The following TRAPPC8 variants were observed in gnomAD, a reference collection of about 807,000 sequenced individuals.
TRAPPC8 encodes the protein trafficking protein particle complex subunit 8, also known as general sporulation gene 1 homolog.
Under a neutral mutation model 174.3 loss-of-function variants are expected in TRAPPC8, and 54 were observed. That is an observed-to-expected ratio of 0.31 (90% CI 0.25 to 0.39). TRAPPC8 has a LOEUF of 0.39. Ranked by LOEUF, TRAPPC8 falls within the 10% of genes least tolerant of loss-of-function variation. The pLI is 1.00. For missense variants in TRAPPC8, 1,531 were observed against 1,699.1 expected (o/e 0.90, Z 1.74); for synonymous variants, 630 against 579.9 (o/e 1.09, Z -1.24).
chr18:31,942,506 C>A (rs1215168509), intron 1 of TRAPPC8, 102 bp downstream of exon 1: 2 of 1,368,496 alleles, frequency 1.5e-6, no homozygotes, highest in Non-Finnish European at 1.9e-6. Flanking sequence ...GTACCGGCTC[C>A]AGGACGTAAA....
chr18:31,889,696 A>G (rs1453912486), intron 12 of TRAPPC8, among the ~76,000 whole-genome samples: 1 of 152,222 alleles, frequency 6.6e-6, no homozygotes, highest in Non-Finnish European at 1.5e-5. Context: ...AAAGACGTTT[A>G]ATTTTATATT....
At chr18:31,843,362 A>G (rs1018270304) in intron 26 of TRAPPC8, among the ~76,000 whole-genome samples, 2 of 152,198 alleles carry the variant, frequency 1.3e-5, no homozygotes, top group African/African-American at 4.8e-5. Context: ...TGCATAACAT[A>G]AGCACACATA....
chr18:31,855,223 C>A (rs947215512), intron 21 of TRAPPC8, among the ~76,000 whole-genome samples: 1 of 151,892 alleles, frequency 6.6e-6, no homozygotes, highest in African/African-American at 2.4e-5. Flanking sequence ...TATTAGAGTG[C>A]ATAAACAGGA....
intron 12 of TRAPPC8, among the ~76,000 whole-genome samples, chr18:31,875,381 T>C (rs2035093255): frequency 1.3e-5 from 2 of 151,078 alleles, no homozygotes; most frequent in Non-Finnish European, 2.9e-5. Context: ...ATATTAAAAA[T>C]TCACATACTG....
At chr18:31,906,175 GA>G (rs113306306) in intron 9 of TRAPPC8, among the ~76,000 whole-genome samples, 40,318 of 131,478 alleles carry the variant, frequency 0.31, 5,804 homozygotes, top group South Asian at 0.52. Context: ...CTAAAAATAC[GA>G]AAAAAAAAAA....
Position 31,943,113 on chromosome 18 carries a change from A to C in TRAPPC8, c.-349T>G. The C allele has an allele frequency of 2.5e-6, 1 of 401,226 alleles. No individual in the cohort carries two copies. The highest frequency in any genetic ancestry group is 4.4e-6 in the Non-Finnish European group (1 of 228,152). 24.9% of individuals were successfully genotyped at this position (401,226 alleles called of 1,614,324 possible). ...CCATGTTGAGGCCGAACCCTGACCA[A>C]CCGGCAGTACTACTCCCAGCTGCCC... On this transcript the variant is annotated 5_prime_UTR_variant, in exon 1 of 29. Coordinates refer to ENST00000283351, the MANE Select transcript of TRAPPC8 (RefSeq NM_014939.5).
At chr18:31,941,055 G>T (rs927985639) in intron 1 of TRAPPC8, among the ~76,000 whole-genome samples, 1 of 152,180 alleles carries the variant, frequency 6.6e-6, no homozygotes, top group Non-Finnish European at 1.5e-5. Flanking sequence ...GTTACACAAA[G>T]CAAGTATCAG....
intron 12 of TRAPPC8, among the ~76,000 whole-genome samples, chr18:31,880,400 T>A (rs1202493152): frequency 6.6e-6 from 1 of 151,862 alleles, no homozygotes; most frequent in African/African-American, 2.4e-5. Flanking sequence ...AAAAACCATA[T>A]GATCATCTCA....
intron 1 of TRAPPC8, among the ~76,000 whole-genome samples, chr18:31,935,359 C>CCAAA (rs1289122198): frequency 0.08 from 187 of 2,332 alleles, 1 homozygote; most frequent in Non-Finnish European, 0.12. Flanking sequence ...AACAAACAAA[C>CCAAA]AAACCAAAAA....
intron 14 of TRAPPC8, among the ~76,000 whole-genome samples, 190 bp from the exon 15 acceptor site, chr18:31,871,310 T>C (rs1279226353): frequency 6.6e-6 from 1 of 152,142 alleles, no homozygotes; most frequent in East Asian, 1.9e-4. Context: ...AATACTGATG[T>C]TCTTTTCCTC....
At chr18:31,850,809 C>T (rs1372330245) in intron 24 of TRAPPC8, among the ~76,000 whole-genome samples, 1 of 152,126 alleles carries the variant, frequency 6.6e-6, no homozygotes. Context: ...TTTCTGCCTT[C>T]ACCAGTGCTC....
chr18:31,908,434 T>G lies in TRAPPC8; in HGVS notation c.1123-16A>C, dbSNP rs768897610. 9 of 1,469,608 alleles carry G rather than the reference T, an allele frequency of 6.1e-6. No individual in the cohort carries two copies. In the East Asian group the frequency reaches 1.7e-4, roughly 27 times the overall value. 91.0% of individuals were successfully genotyped at this position (1,469,608 alleles called of 1,614,324 possible). A position where few individuals can be genotyped will look rare whatever the true frequency, so the allele number is the denominator to read the frequency against. On this transcript the variant is annotated splice_polypyrimidine_tract_variant and intron_variant, in intron 7 of 28. Transcript: ENST00000283351. The stretch of plus-strand genomic sequence containing the variant: ...TTGATATTAGCTTTAAAAAAGAGAT[T>G]AAATATGTTGACAAACAAAGAATTT...
At chr18:31,935,535 C>T (rs1208214542) in intron 1 of TRAPPC8, among the ~76,000 whole-genome samples, 1 of 62,242 alleles carries the variant, frequency 1.6e-5, no homozygotes, top group South Asian at 5.0e-4. Context: ...GCAACAAGAG[C>T]GAAACTCCAT....
intron 19 of TRAPPC8, among the ~76,000 whole-genome samples, chr18:31,862,278 G>A (rs944131575): frequency 1.5e-4 from 23 of 151,710 alleles, no homozygotes; most frequent in African/African-American, 5.6e-4. Context: ...GGACGAAAAT[G>A]GCACAAGTAT....
At chr18:31,921,416 C>T (rs373690213) in intron 2 of TRAPPC8, among the ~76,000 whole-genome samples, 4 of 152,128 alleles carry the variant, frequency 2.6e-5, no homozygotes, top group African/African-American at 9.6e-5. Flanking sequence ...GAGTTCCAGA[C>T]CAGCCTGACC....
intron 12 of TRAPPC8, among the ~76,000 whole-genome samples, chr18:31,880,487 G>A (rs990615212): frequency 3.9e-5 from 6 of 151,924 alleles, no homozygotes; most frequent in Non-Finnish European, 8.8e-5. Flanking sequence ...AGCACTGTAA[G>A]AAACATACCT....
intron 19 of TRAPPC8, among the ~76,000 whole-genome samples, chr18:31,862,016 G>A (rs1170100555): frequency 6.6e-6 from 1 of 151,574 alleles, no homozygotes; most frequent in Admixed American, 6.6e-5. Context: ...GTATATTTTG[G>A]TGTCTTACAC....
rs34167680 is a variant in TRAPPC8 at position 31,855,815 on chromosome 18, T to TAAAAA, written c.3189-13_3189-9dup. 3.3e-6 allele frequency: 5 copies of TAAAAA among 1,495,598 alleles called. No homozygotes were observed. The African/African-American group carries it at 4.6e-5, about 14-fold the overall frequency. The allele number at this position is 1,495,598 out of a possible 1,614,324, so 92.6% of individuals were successfully genotyped here. A position where few individuals can be genotyped will look rare whatever the true frequency, so the allele number is the denominator to read the frequency against. ...TGTCTTAATATTCTGTGCCTGAAGT[T>TAAAAA]AAAAAAAAAAAAAAAAGCACATTTA... On this transcript the variant is annotated splice_polypyrimidine_tract_variant and intron_variant, in intron 20 of 28. Transcript: ENST00000283351.
chr18:31,832,830 C>A (rs1568024510), intron 27 of TRAPPC8, among the ~76,000 whole-genome samples: 1 of 151,880 alleles, frequency 6.6e-6, no homozygotes, highest in African/African-American at 2.4e-5. Context: ...ATAACATGTA[C>A]AAATGAAGCA....
Sources: gnomAD v4.1 joint callset for allele counts (sites outside exome capture counted in the v4.1 genomes callset) on GRCh38, gnomAD v4.1.1 for gene constraint, MANE v1.5 for transcripts, NCBI Gene and HGNC (gene_info 2026-07-23, HGNC 2026-07-21) for gene names.